The following LCP2 variants were observed in gnomAD, a reference collection of about 807,000 sequenced individuals.
LCP2 encodes the protein lymphocyte cytosolic protein 2.
Under a neutral mutation model 74.5 loss-of-function variants are expected in LCP2, and 29 were observed. The observed-to-expected ratio is 0.39, with a 90% CI of 0.29 to 0.53. LCP2 has a LOEUF of 0.53. Among genes scored for constraint, LCP2 ranks in the 20% least tolerant of loss-of-function variants. The probability of loss-of-function intolerance (pLI) is 0.72; values close to 1 mark genes in which losing one functional copy is unlikely to be tolerated. For synonymous variants in LCP2, 228 were observed against 229.5 expected (o/e 0.99, Z 0.06); for missense variants, 604 against 634.6 (o/e 0.95, Z 0.52).
At chr5:170,259,929 C>T (rs112297253) in intron 14 of LCP2, among the ~76,000 whole-genome samples, 49 of 152,332 alleles carry the variant, frequency 3.2e-4, no homozygotes, top group African/African-American at 1.1e-3. Context: ...GTCAATCCTT[C>T]CAGAGACAGG....
chr5:170,256,278 A>G lies in LCP2; in HGVS notation c.1150+248T>C, dbSNP rs1173705028. 6.6e-6 allele frequency among the ~76,000 whole-genome samples: 1 copy of G among 152,030 alleles called. No homozygotes were observed. Among genetic ancestry groups the G allele is most frequent in the Non-Finnish European group, 1.5e-5 (1 of 67,998 alleles). On this transcript the variant is annotated intron_variant, in intron 17 of 20. Transcript: ENST00000046794. This position sits in a 1 kb window ranked among gnomAD's most constrained non-coding sequence, Gnocchi z 4.5. ...CATGTGTATGCATGTGTGTGTGTGCATGTATATGTGCATGTGTGTATGGGC... is the reference window on the plus strand; with the variant it reads ...CATGTGTATGCATGTGTGTGTGTGCGTGTATATGTGCATGTGTGTATGGGC...
chr5:170,296,724 A>G lies in LCP2; in HGVS notation c.78+810T>C, dbSNP rs186602165. Among the ~76,000 whole-genome samples the G allele has an allele frequency of 1.2e-3, 177 of 152,334 alleles. 3 individuals carry two copies. Among genetic ancestry groups the G allele is most frequent in the African/African-American group, 3.6e-3 (148 of 41,582 alleles). On this transcript the variant is annotated intron_variant, in intron 1 of 20. Coordinates refer to ENST00000046794, the MANE Select transcript of LCP2 (RefSeq NM_005565.5). ...CGTTGTCCCCTTCTGCCAATGACCA[A>G]GCACAGGGATCCTTCAACCTTTCCT...
intron 4 of LCP2, 191 bp from the exon 5 acceptor site, chr5:170,275,542 A>T: frequency 1.5e-6 from 1 of 669,810 alleles, no homozygotes; most frequent in African/African-American, 1.8e-5. Context: ...ACCAAGCCAC[A>T]TCAGTGGCAT....
rs201610575 is a variant in LCP2 at position 170,261,464 on chromosome 5, T to C, written c.927-327A>G. ...TATGTACACACACACTATATGTATA[T>C]ACACACACACACACACACACATGTG... On this transcript the variant is annotated intron_variant, in intron 13 of 20. Coordinates refer to ENST00000046794, the MANE Select transcript of LCP2 (RefSeq NM_005565.5). Among the ~76,000 whole-genome samples, 48 of 44,286 alleles carry C rather than the reference T, an allele frequency of 1.1e-3. 1 individual carries two copies. Among genetic ancestry groups the C allele is most frequent in the Admixed American group, 4.4e-3 (17 of 3,872 alleles). The allele number at this position is 44,286 out of a possible 152,430, so 29.1% of individuals were successfully genotyped here.
intron 19 of LCP2, chr5:170,252,007 A>C (rs562711844): frequency 5.0e-6 from 1 of 200,066 alleles, no homozygotes; most frequent in Non-Finnish European, 1.1e-5. Context: ...AGAAACGTCT[A>C]GGGCAAAAAG....
chr5:170,275,045 G>T (rs1230103024), intron 5 of LCP2, among the ~76,000 whole-genome samples: 1 of 151,984 alleles, frequency 6.6e-6, no homozygotes, highest in East Asian at 1.9e-4. Flanking sequence ...CAGAGGTGGG[G>T]TCCCTCTGTT....
chr5:170,292,981 A>G (rs1007526679), intron 2 of LCP2, among the ~76,000 whole-genome samples: 1 of 152,204 alleles, frequency 6.6e-6, no homozygotes. Flanking sequence ...CTCCAGAGTG[A>G]GAGATTGGAG....
chr5:170,274,451 C>A, intron 5 of LCP2, 113 bp from the exon 6 acceptor site: 3 of 1,033,606 alleles, frequency 2.9e-6, no homozygotes, highest in Middle Eastern at 2.1e-4. Context: ...CTTCCCTGGC[C>A]TCCACCTACC....
At chr5:170,288,829 C>T (rs1419788133) in intron 2 of LCP2, among the ~76,000 whole-genome samples, 2 of 152,152 alleles carry the variant, frequency 1.3e-5, no homozygotes, top group Admixed American at 6.5e-5. Context: ...TTGACGGCCC[C>T]TGTGGCCTAT....
chr5:170,248,776 A>T lies in LCP2; in HGVS notation c.1523T>A (p.Met508Lys). The change falls in exon 21 of 21, where the codon ATG becomes AAG. Residue 508 changes from methionine (M) to lysine (K), a missense_variant. Coordinates refer to ENST00000046794, the MANE Select transcript of LCP2 (RefSeq NM_005565.5). ...TTTCCCATCAATGAGCAGAAGTGGCATTTTCCTGAAGTAGTCAATAATATC... is the reference window on the plus strand; with the variant it reads ...TTTCCCATCAATGAGCAGAAGTGGCTTTTTCCTGAAGTAGTCAATAATATC... ...VSDIIDYFRK[M>K]PLLLIDGKNR... 1 of 1,612,336 alleles carries T rather than the reference A, an allele frequency of 6.2e-7. No individual in the cohort carries two copies. Among genetic ancestry groups the T allele is most frequent in the Non-Finnish European group, 8.5e-7 (1 of 1,179,202 alleles).
Position 170,248,523 on chromosome 5 carries a change from G to A in LCP2, c.*174C>T, listed in dbSNP as rs1393587227. ...CATTGAAGAAGAATAAATAAATTAT[G>A]GGATAGTTGACAGTCTTCATTTCAA... On this transcript the variant is annotated 3_prime_UTR_variant, in exon 21 of 21. Transcript: ENST00000046794. 1 of 649,718 alleles carries A rather than the reference G, an allele frequency of 1.5e-6. No individual in the cohort carries two copies. The highest frequency in any genetic ancestry group is 2.7e-6 in the Non-Finnish European group (1 of 371,218). The allele number at this position is 649,718 out of a possible 1,614,324, so 40.2% of individuals were successfully genotyped here. A position where few individuals can be genotyped will look rare whatever the true frequency, so the allele number is the denominator to read the frequency against.
intron 20 of LCP2, among the ~76,000 whole-genome samples, chr5:170,250,425 A>G (rs1245237296): frequency 6.6e-6 from 1 of 152,238 alleles, no homozygotes; most frequent in Admixed American, 6.5e-5. Flanking sequence ...AGAGGTGAAT[A>G]ATAGTGGGAA....
intron 6 of LCP2, among the ~76,000 whole-genome samples, chr5:170,272,597 C>CTTTCTTTTT (rs1761913938): frequency 2.5e-5 from 1 of 40,342 alleles, no homozygotes; most frequent in East Asian, 1.3e-3. Context: ...CAAATATTTT[C>CTTTCTTTTT]TTTTTTTTTT....
At chr5:170,293,259 A>G in intron 2 of LCP2, 51 bp downstream of exon 2, 3 of 1,558,528 alleles carry the variant, frequency 1.9e-6, no homozygotes, top group Non-Finnish European at 2.6e-6. Flanking sequence ...AGCCATGGGG[A>G]AAAGTGCCGA....
At chr5:170,278,959 A>G (rs1158303138) in intron 3 of LCP2, among the ~76,000 whole-genome samples, 4 of 152,148 alleles carry the variant, frequency 2.6e-5, no homozygotes, top group African/African-American at 9.7e-5. Context: ...GGACGGTGCA[A>G]CAGTGATGGT....
intron 7 of LCP2, among the ~76,000 whole-genome samples, chr5:170,269,495 C>T (rs1252144682): frequency 2.0e-5 from 3 of 152,276 alleles, no homozygotes; most frequent in African/African-American, 7.2e-5. Flanking sequence ...CTCTAATAGG[C>T]CATGCTCCTT....
At chr5:170,281,789 T>C (rs962265116) in intron 3 of LCP2, among the ~76,000 whole-genome samples, 1 of 152,208 alleles carries the variant, frequency 6.6e-6, no homozygotes, top group Non-Finnish European at 1.5e-5. Flanking sequence ...AATTGCACCA[T>C]TGGTAATGGC....
At position 170,270,899 on chromosome 5, in the gene LCP2, T is replaced by G. The variant is rs752170242; in HGVS notation, c.343A>C (p.Ser115Arg). The G allele has an allele frequency of 6.8e-6, 11 of 1,612,290 alleles. No individual in the cohort carries two copies. The Admixed American group carries it at 1.8e-4, about 27-fold the overall frequency. Residue 115 changes from serine (S) to arginine (R), a missense_variant, in exon 7 of 21, where the codon AGT (serine) becomes CGT (arginine). By Grantham distance (110) the Ser-to-Arg change is moderately radical. Coordinates refer to ENST00000046794, the MANE Select transcript of LCP2 (RefSeq NM_005565.5). Reference sequence around the variant, plus strand: ...TCCCCATCCTGGTCATCATTGGGACTTTCATAATCGTCTTCTTCCTGCCCA... The same window carrying G: ...TCCCCATCCTGGTCATCATTGGGACGTTCATAATCGTCTTCTTCCTGCCCA... ...WSSFEEDDYESPNDDQDGEDD... is the reference protein window; with the variant it reads ...WSSFEEDDYERPNDDQDGEDD...
chr5:170,262,894 C>G (rs200356331), intron 11 of LCP2, 33 bp from the exon 12 acceptor site: 1 of 1,613,998 alleles, frequency 6.2e-7, no homozygotes, highest in Non-Finnish European at 8.5e-7. Flanking sequence ...TATGAGTGTC[C>G]AAGCACTTTT....
Sources: gnomAD v4.1 joint callset for allele counts (sites outside exome capture counted in the v4.1 genomes callset) on GRCh38, gnomAD v4.1.1 for gene constraint, Gnocchi (gnomAD v3.1) non-coding constraint, MANE v1.5 for transcripts, NCBI Gene and HGNC (gene_info 2026-07-23, HGNC 2026-07-21) for gene names.